The following GLRA3 variants were observed in gnomAD, a reference collection of about 807,000 sequenced individuals.
The protein encoded by GLRA3 is glycine receptor alpha 3.
A neutral mutation model predicts 60.4 loss-of-function variants in GLRA3; 44 were observed. The observed-to-expected ratio is 0.73, with a 90% CI of 0.57 to 0.94. The LOEUF (loss-of-function observed/expected upper bound fraction) is 0.94. Among genes scored for constraint, GLRA3 ranks in the 40% least tolerant of loss-of-function variants. The pLI is 0.00. For missense variants in GLRA3, 508 were observed against 564.6 expected (o/e 0.90, Z 1.02); for synonymous variants, 223 against 192.9 (o/e 1.16, Z -1.29).
intron 4 of GLRA3, among the ~76,000 whole-genome samples, chr4:174,727,533 C>T (rs1736374189): frequency 6.6e-6 from 1 of 152,148 alleles, no homozygotes; most frequent in Admixed American, 6.5e-5. Context: ...AGAGACATGA[C>T]ATGAATTCTG....
intron 1 of GLRA3, among the ~76,000 whole-genome samples, chr4:174,825,000 T>C (rs1235433045): frequency 6.6e-6 from 1 of 152,064 alleles, no homozygotes; most frequent in East Asian, 1.9e-4. Context: ...CAGTTGTGTG[T>C]TTAAGGGAAG....
At chr4:174,673,178 G>A (rs1300091007) in intron 7 of GLRA3, among the ~76,000 whole-genome samples, 1 of 152,082 alleles carries the variant, frequency 6.6e-6, no homozygotes, top group Non-Finnish European at 1.5e-5. Flanking sequence ...AGGGTAAGGT[G>A]TATATAATAT....
intron 3 of GLRA3, among the ~76,000 whole-genome samples, chr4:174,747,641 G>A (rs780781584): frequency 2.0e-5 from 3 of 152,090 alleles, no homozygotes; most frequent in African/African-American, 7.2e-5. Flanking sequence ...TATTTGCGGG[G>A]TAGAATTGCT....
In GLRA3 at chr4:174,780,829, C is replaced by G. The variant is rs191674486; in HGVS notation, c.199+7987G>C. 3.1e-3 allele frequency among the ~76,000 whole-genome samples: 466 copies of G among 152,218 alleles called. 2 individuals carry two copies. The highest frequency in any genetic ancestry group is 0.011 in the African/African-American group (444 of 41,508). On this transcript the variant is annotated intron_variant, in intron 2 of 9. Transcript: ENST00000274093. ...ATTCATAAAGCAAGTCCTGAGTGAC[C>G]TACAAAGAGACGTAGACACCCACAC...
At chr4:174,722,743 A>G (rs1205948425) in intron 4 of GLRA3, 1 of 166,478 alleles carries the variant, frequency 6.0e-6, no homozygotes, top group African/African-American at 2.4e-5. Context: ...TTAAAAAAGC[A>G]GGAAAGCCAG....
intron 7 of GLRA3, among the ~76,000 whole-genome samples, chr4:174,672,793 C>T (rs1423588301): frequency 1.3e-5 from 2 of 151,964 alleles, no homozygotes; most frequent in Non-Finnish European, 2.9e-5. Flanking sequence ...ATTATCAGCC[C>T]CAAGTGCCAA....
intron 1 of GLRA3, among the ~76,000 whole-genome samples, chr4:174,824,334 G>A (rs540758261): frequency 6.6e-6 from 1 of 152,026 alleles, no homozygotes; most frequent in Non-Finnish European, 1.5e-5. Flanking sequence ...TTAAATAATT[G>A]CTATCACCAA....
At chr4:174,751,380 A>G (rs1047313532) in intron 3 of GLRA3, among the ~76,000 whole-genome samples, 1 of 152,160 alleles carries the variant, frequency 6.6e-6, no homozygotes, top group South Asian at 2.1e-4. Flanking sequence ...ATCACAGCAG[A>G]AAAAGAAAGT....
intron 9 of GLRA3, among the ~76,000 whole-genome samples, chr4:174,647,928 A>G (rs902309861): frequency 6.6e-6 from 1 of 152,202 alleles, no homozygotes; most frequent in African/African-American, 2.4e-5. Context: ...ACAAAGCATA[A>G]AGAAGCTGGG....
At position 174,776,314 on chromosome 4, in the gene GLRA3, G is replaced by A. The variant is rs1209686076; in HGVS notation, c.200-9284C>T. ...GCAGCCTGTGTCAGAGTTCCCTTTC[G>A]AAGTAGAGAAATAACAGAAAAATGG... is the stretch of plus-strand genomic sequence containing the variant. On this transcript the variant is annotated intron_variant, in intron 2 of 9. Coordinates refer to ENST00000274093, the MANE Select transcript of GLRA3 (RefSeq NM_006529.4). 4.6e-5 allele frequency among the ~76,000 whole-genome samples: 7 copies of A among 152,062 alleles called. 1 individual carries two copies. In the East Asian group the frequency reaches 5.8e-4, roughly 13 times the overall value.
chr4:174,760,377 C>A (rs1737889629), intron 3 of GLRA3, among the ~76,000 whole-genome samples: 1 of 152,108 alleles, frequency 6.6e-6, no homozygotes, highest in African/African-American at 2.4e-5. Flanking sequence ...GTGCTTCAAA[C>A]AGAATGACCA....
At chr4:174,776,172 A>G (rs1738589936) in intron 2 of GLRA3, among the ~76,000 whole-genome samples, 1 of 152,200 alleles carries the variant, frequency 6.6e-6, no homozygotes, top group Non-Finnish European at 1.5e-5. Context: ...GGGCAAACAC[A>G]GTACCTGAAA....
intron 1 of GLRA3, among the ~76,000 whole-genome samples, chr4:174,813,423 C>G (rs1740347899): frequency 6.6e-6 from 1 of 152,272 alleles, no homozygotes; most frequent in South Asian, 2.1e-4. Context: ...ATAGAAATGT[C>G]TGCTGCAATG....
chr4:174,708,811 C>A (rs1422304703), intron 5 of GLRA3, among the ~76,000 whole-genome samples: 3 of 134,814 alleles, frequency 2.2e-5, no homozygotes, highest in African/African-American at 8.2e-5. Flanking sequence ...TCCTTCCTGG[C>A]TTTTTTTTTT....
At chr4:174,773,001 T>C (rs1738452464) in intron 2 of GLRA3, among the ~76,000 whole-genome samples, 1 of 152,182 alleles carries the variant, frequency 6.6e-6, no homozygotes, top group African/African-American at 2.4e-5. Flanking sequence ...GGAGTAGTCT[T>C]TCTATCCTAG....
chr4:174,707,152 A>G (rs965433603), intron 5 of GLRA3, among the ~76,000 whole-genome samples: 1 of 152,074 alleles, frequency 6.6e-6, no homozygotes, highest in Admixed American at 6.6e-5. Context: ...GCAATTGTTG[A>G]TTTTTTTCAG....
Position 174,704,559 on chromosome 4 carries a change from T to G in GLRA3, c.574+10929A>C, listed in dbSNP as rs1331348357. Among the ~76,000 whole-genome samples the G allele has an allele frequency of 1.4e-5, 2 of 143,328 alleles. 1 individual carries two copies. The highest frequency in any genetic ancestry group is 3.1e-5 in the Non-Finnish European group (2 of 64,604). The allele number at this position is 143,328 out of a possible 152,430, so 94.0% of individuals were successfully genotyped here. ...TGGCTGCTTTTTAAATAATTAAAAA[T>G]GAATGACCATATTATCTAGCAATTT... is the stretch of plus-strand genomic sequence containing the variant. On this transcript the variant is annotated intron_variant, in intron 5 of 9. Transcript: ENST00000274093.
At chr4:174,816,066 T>G (rs1239752523) in intron 1 of GLRA3, among the ~76,000 whole-genome samples, 3 of 152,158 alleles carry the variant, frequency 2.0e-5, no homozygotes. Context: ...CCATATCCCT[T>G]GATAAAATGC....
At chr4:174,781,443 A>G (rs1397488642) in intron 2 of GLRA3, among the ~76,000 whole-genome samples, 1 of 143,312 alleles carries the variant, frequency 7.0e-6, no homozygotes, top group African/African-American at 2.6e-5. Context: ...AAGCTAGCAG[A>G]AGGCAAGAAA....
Sources: allele counts gnomAD v4.1 joint callset (sites outside exome capture counted in the v4.1 genomes callset), GRCh38; gene constraint gnomAD v4.1.1; transcripts MANE v1.5; gene names NCBI Gene and HGNC (gene_info 2026-07-23, HGNC 2026-07-21).